Variants in REEP1 observed in about 807,000 individuals in gnomAD.
REEP1 encodes the protein receptor accessory protein 1.
A neutral mutation model predicts 40.3 loss-of-function variants in REEP1; 22 were observed. That is an observed-to-expected ratio of 0.55 (90% confidence interval 0.39 to 0.78). The LOEUF is 0.78. Ranked by LOEUF, REEP1 falls within the 30% of genes least tolerant of loss-of-function variation. The pLI is 0.00. For missense variants in REEP1, 280 were observed against 361.1 expected (o/e 0.78, Z 1.82); for synonymous variants, 116 against 139.2 (o/e 0.83, Z 1.17).
intron 7 of REEP1, among the ~76,000 whole-genome samples, chr2:86,226,096 C>CCACCACCAT (rs1558869937): frequency 1.2e-4 from 17 of 144,868 alleles, no homozygotes; most frequent in South Asian, 2.2e-4. Context: ...ACCACCACCA[C>CCACCACCAT]CACCACCACC....
At chr2:86,260,252 T>C (rs1442852496) in intron 3 of REEP1, among the ~76,000 whole-genome samples, 2 of 152,136 alleles carry the variant, frequency 1.3e-5, no homozygotes, top group African/African-American at 4.8e-5. Flanking sequence ...AAGGAGCCTC[T>C]TCCCTGCAGA....
At chr2:86,249,339 C>T (rs994724137) in intron 5 of REEP1, among the ~76,000 whole-genome samples, 52 of 152,058 alleles carry the variant, frequency 3.4e-4, no homozygotes, top group Admixed American at 6.6e-5. Flanking sequence ...AAATAAACAC[C>T]GGCCTCCCCC....
rs2104245077 is a variant in REEP1 at position 86,254,804 on chromosome 2, A to G, written c.193T>C (p.Tyr65His). The G allele has an allele frequency of 6.2e-7, 1 of 1,614,080 alleles. No homozygotes were observed. Among genetic ancestry groups the G allele is most frequent in the Non-Finnish European group, 8.5e-7 (1 of 1,179,988 alleles). ...ACAAATGCTATTTTTAGTTCATAAT[A>G]GAATGGAAACCTGGAGAGAGAGATG... ...TDIFLCWFPF[Y>H]YELKIAFVAW... Residue 65 changes from tyrosine (Y) to histidine (H), a missense_variant, in exon 4 of 9, where the codon TAT (tyrosine) becomes CAT (histidine). Tyr to His is a moderately conservative substitution (Grantham distance 83). Around this residue, in one of 3 missense-constraint regions of REEP1, gnomAD observed 68 missense variants for 83.7 expected, o/e 0.81. Transcript: ENST00000538924.
At chr2:86,255,617 T>C (rs1419064393) in intron 3 of REEP1, among the ~76,000 whole-genome samples, 4 of 152,134 alleles carry the variant, frequency 2.6e-5, no homozygotes, top group Non-Finnish European at 4.4e-5. Context: ...GAAGACCTGA[T>C]TCCTGCCCTC....
chr2:86,311,076 G>T (rs1679741616), intron 1 of REEP1, among the ~76,000 whole-genome samples: 1 of 152,182 alleles, frequency 6.6e-6, no homozygotes, highest in Admixed American at 6.5e-5. Context: ...GGAGAGGGTA[G>T]TGATGATTCA....
chr2:86,215,654 G>C lies in REEP1; in HGVS notation c.*1385C>G, dbSNP rs147782630. On this transcript the variant is annotated 3_prime_UTR_variant, in exon 9 of 9. Transcript: ENST00000538924. ...ATTTCGGCTCAGCTCTCAGTGGGGA[G>C]AGCAGCTACCTCGGACCACAATGCC... 8 of 152,724 alleles carry C rather than the reference G, an allele frequency of 5.2e-5. No homozygotes were observed. The highest frequency in any genetic ancestry group is 1.9e-4 in the African/African-American group (8 of 41,560). 9.5% of individuals were successfully genotyped at this position (152,724 alleles called of 1,614,324 possible).
intron 1 of REEP1, among the ~76,000 whole-genome samples, chr2:86,315,746 T>G (rs1351313449): frequency 6.6e-6 from 1 of 152,202 alleles, no homozygotes; most frequent in Non-Finnish European, 1.5e-5. Flanking sequence ...CCAGATGCTC[T>G]CTGGGTCACC....
intron 5 of REEP1, among the ~76,000 whole-genome samples, chr2:86,238,820 G>A (rs1267878366): frequency 1.3e-5 from 2 of 152,190 alleles, no homozygotes; most frequent in Non-Finnish European, 2.9e-5. Flanking sequence ...GAAGGAATGT[G>A]TGTTAGTATT....
At chr2:86,250,949 T>C (rs1676239441) in intron 5 of REEP1, among the ~76,000 whole-genome samples, 1 of 152,218 alleles carries the variant, frequency 6.6e-6, no homozygotes, top group South Asian at 2.1e-4. Flanking sequence ...CACCAAGATC[T>C]GTACTAATCA....
intron 3 of REEP1, among the ~76,000 whole-genome samples, chr2:86,262,398 G>A (rs1201727349): frequency 6.6e-6 from 1 of 152,352 alleles, no homozygotes; most frequent in East Asian, 1.9e-4. Flanking sequence ...AGAGTCTGCT[G>A]CACTACCTGT....
At chr2:86,266,475 C>T (rs1358570482) in intron 2 of REEP1, among the ~76,000 whole-genome samples, 2 of 149,840 alleles carry the variant, frequency 1.3e-5, no homozygotes, top group Non-Finnish European at 3.0e-5. Flanking sequence ...AAAAATTAGC[C>T]GGGCGCGGTG....
intron 1 of REEP1, among the ~76,000 whole-genome samples, chr2:86,300,499 G>A (rs1469599890): frequency 2.6e-5 from 4 of 152,210 alleles, no homozygotes; most frequent in African/African-American, 9.6e-5. Context: ...GTGCATGGCC[G>A]TGCTTGGCCA....
chr2:86,298,761 T>C (rs1408051065), intron 1 of REEP1, among the ~76,000 whole-genome samples: 5 of 152,248 alleles, frequency 3.3e-5, no homozygotes, highest in Non-Finnish European at 7.3e-5. Flanking sequence ...ACAGTCACCC[T>C]TGCCATGGTA....
chr2:86,307,893 A>C (rs545472892), intron 1 of REEP1, among the ~76,000 whole-genome samples: 3 of 152,366 alleles, frequency 2.0e-5, no homozygotes, highest in African/African-American at 7.2e-5. Context: ...AACTAGAAGA[A>C]AGATTCTCTA....
In REEP1 at chr2:86,220,116, C is replaced by T. The variant is rs1674337576; in HGVS notation, c.637G>A (p.Glu213Lys). The change falls in exon 8 of 9, where the codon GAG (glutamate) becomes AAG (lysine). Residue 213 changes from glutamate (E) to lysine (K), a missense_variant. By Grantham distance (56) the Glu-to-Lys change is moderately conservative. This residue lies in a region of REEP1 where 201 missense variants were observed against 238.5 expected (regional missense o/e 0.84). Transcript: ENST00000538924. ...ATACCACCCTCATTCACATCTCCCT[C>T]AACCACTTAATGTCCATTTACAATC... ...CSTCRTWKVV[E>K]GDVNEGGMKA... 2.4e-6 allele frequency: 3 copies of T among 1,230,774 alleles called. No homozygotes were observed. The highest frequency in any genetic ancestry group is 3.0e-6 in the Non-Finnish European group (3 of 987,498). 76.2% of individuals were successfully genotyped at this position (1,230,774 alleles called of 1,614,324 possible).
intron 5 of REEP1, among the ~76,000 whole-genome samples, chr2:86,238,669 C>T (rs531380004): frequency 1.7e-3 from 254 of 152,198 alleles, no homozygotes; most frequent in African/African-American, 5.7e-3. Flanking sequence ...CTGCAAGGAG[C>T]GTATAAGAAG....
At chr2:86,230,852 G>A (rs1353729831) in intron 6 of REEP1, among the ~76,000 whole-genome samples, 1 of 152,178 alleles carries the variant, frequency 6.6e-6, no homozygotes, top group African/African-American at 2.4e-5. Context: ...TCACCCCACT[G>A]GTTCTTGCTC....
chr2:86,263,919 T>C, intron 3 of REEP1, 46 bp downstream of exon 3: 2 of 1,472,796 alleles, frequency 1.4e-6, no homozygotes, highest in Non-Finnish European at 1.9e-6. Flanking sequence ...TGAGTGACAC[T>C]AAGCAAAATT....
intron 6 of REEP1, among the ~76,000 whole-genome samples, chr2:86,231,285 C>T (rs1035159722): frequency 2.0e-5 from 3 of 152,220 alleles, no homozygotes; most frequent in Non-Finnish European, 4.4e-5. Flanking sequence ...ATCACCCCCA[C>T]AGCCGAGCCT....
Sources: allele counts gnomAD v4.1 joint callset (sites outside exome capture counted in the v4.1 genomes callset), GRCh38; gene constraint gnomAD v4.1.1; regional missense constraint gnomAD v4.1.1; transcripts MANE v1.5; gene names NCBI Gene and HGNC (gene_info 2026-07-23, HGNC 2026-07-21).